The following MTERF1 variants were observed in gnomAD, a reference collection of about 807,000 sequenced individuals.
The protein encoded by MTERF1 is transcription termination factor 1, mitochondrial.
Under a neutral mutation model 31.6 loss-of-function variants are expected in MTERF1, and 29 were observed. The ratio of observed to expected loss-of-function variants is 0.92; its 90% CI spans 0.68 to 1.25. The LOEUF is 1.25. Ranked by LOEUF, MTERF1 falls within the 50% of genes most tolerant of loss-of-function variation. The probability of loss-of-function intolerance (pLI) is 0.00; values close to 1 mark genes in which losing one functional copy is unlikely to be tolerated. For synonymous variants in MTERF1, 152 were observed against 164.1 expected (o/e 0.93, Z 0.57); for missense variants, 500 against 469.1 (o/e 1.07, Z -0.61).
chr7:91,871,733 C>G lies in MTERF1; in HGVS notation c.*1861G>C, dbSNP rs1000622706. 6.6e-6 allele frequency: 1 copy of G among 152,136 alleles called. No individual in the cohort carries two copies. Among genetic ancestry groups the G allele is most frequent in the Non-Finnish European group, 1.5e-5 (1 of 68,038 alleles). The allele number at this position is 152,136 out of a possible 1,614,324, so 9.4% of individuals were successfully genotyped here. ...AATAATGGGGATTCACTAACAGGTACAAGGTTTCTGTTAGGACTGCAAACA... is the reference window on the plus strand; with the variant it reads ...AATAATGGGGATTCACTAACAGGTAGAAGGTTTCTGTTAGGACTGCAAACA... On this transcript the variant is annotated 3_prime_UTR_variant, in exon 3 of 3. Coordinates refer to ENST00000351870, the MANE Select transcript of MTERF1 (RefSeq NM_006980.5).
Position 91,874,160 on chromosome 7 carries a change from T to G in MTERF1, c.634A>C (p.Lys212Gln). 1 of 1,614,186 alleles carries G rather than the reference T, an allele frequency of 6.2e-7. No homozygotes were observed. Among genetic ancestry groups the G allele is most frequent in the Non-Finnish European group, 8.5e-7 (1 of 1,180,028 alleles). Reference protein sequence around the residue: ...RTFSNSLDLNKQMVEFLQAAG... With the variant: ...RTFSNSLDLNQQMVEFLQAAG... ...GCCTGCAAAAATTCAACCATCTGTTTATTCAGATCAAGACTATTGGAGAAG... is the reference window on the plus strand; with the variant it reads ...GCCTGCAAAAATTCAACCATCTGTTGATTCAGATCAAGACTATTGGAGAAG... Residue 212 changes from lysine to glutamine, a missense_variant, in exon 3 of 3, where the codon AAA becomes CAA. By Grantham distance (53) the Lys-to-Gln change is moderately conservative. Transcript: ENST00000351870.
At chr7:91,879,397 G>A (rs962230600) in intron 2 of MTERF1, among the ~76,000 whole-genome samples, 2 of 151,818 alleles carry the variant, frequency 1.3e-5, no homozygotes, top group Non-Finnish European at 2.9e-5. Flanking sequence ...GCGGGGAGGG[G>A]GACGTTAATA....
rs568207724 is a variant in MTERF1 at position 91,875,021 on chromosome 7, T to C, written c.30-257A>G. 3.3e-4 allele frequency among the ~76,000 whole-genome samples: 51 copies of C among 152,352 alleles called. 2 individuals are homozygous for C. In the South Asian group the frequency reaches 0.01, roughly 31 times the overall value. ...CAATATGATTGTACTGTAAGACATA[T>C]ATAATCAATAAACAAATGTACATAT... On this transcript the variant is annotated intron_variant, in intron 2 of 2. Transcript: ENST00000351870.
intron 1 of MTERF1, 162 bp downstream of exon 1, chr7:91,880,495 T>C (rs1394504459): frequency 1.5e-5 from 3 of 199,954 alleles, no homozygotes; most frequent in Non-Finnish European, 3.1e-5. Flanking sequence ...GGTGGGTCTT[T>C]CTTAACTCAA....
chr7:91,874,070 G>T lies in MTERF1; in HGVS notation c.724C>A (p.Pro242Thr), dbSNP rs143980432. The change falls in exon 3 of 3, where the codon CCT becomes ACT. Residue 242 changes from proline (P) to threonine (T), a missense_variant. Transcript: ENST00000351870. Reference sequence around the variant, plus strand: ...TTGGTGCTCTGAATTAAGATAAAAGGGTTTTTAAAAATTATCTTTCTGACA... The same window carrying T: ...TTGGTGCTCTGAATTAAGATAAAAGTGTTTTTAAAAATTATCTTTCTGACA... ...DFVRKIIFKNPFILIQSTKRV... is the reference protein window; with the variant it reads ...DFVRKIIFKNTFILIQSTKRV... The T allele has an allele frequency of 2.5e-6, 4 of 1,613,998 alleles. No homozygotes were observed. The South Asian group carries it at 4.4e-5, about 18-fold the overall frequency.
At chr7:91,875,718 T>C (rs1030524718) in intron 2 of MTERF1, among the ~76,000 whole-genome samples, 1 of 152,188 alleles carries the variant, frequency 6.6e-6, no homozygotes, top group African/African-American at 2.4e-5. Context: ...TTAATTTCCA[T>C]CTTGAACATC....
chr7:91,876,866 T>G (rs987112953), intron 2 of MTERF1: 2 of 970,716 alleles, frequency 2.1e-6, no homozygotes, highest in Middle Eastern at 5.3e-4. Context: ...AACTGAAGAA[T>G]GACGGCTCTA....
rs138814561 is a variant in MTERF1, at chr7:91,873,524, T to A, written c.*70A>T. 0.022 allele frequency: 29,218 copies of A among 1,312,958 alleles called. 392 individuals carry two copies. The highest frequency in any genetic ancestry group is 0.026 in the Non-Finnish European group (24,731 of 967,354). The allele number at this position is 1,312,958 out of a possible 1,614,324, so 81.3% of individuals were successfully genotyped here. A position where few individuals can be genotyped will look rare whatever the true frequency, so the allele number is the denominator to read the frequency against. ...CTTAATAACATTTTAAATTAATCAC[T>A]TCTGCAAAATTCTTTTGCAATGTGG... On this transcript the variant is annotated 3_prime_UTR_variant, in exon 3 of 3. Coordinates refer to ENST00000351870, the MANE Select transcript of MTERF1 (RefSeq NM_006980.5).
At chr7:91,877,714 A>G (rs762277909) in intron 2 of MTERF1, among the ~76,000 whole-genome samples, 1 of 152,194 alleles carries the variant, frequency 6.6e-6, no homozygotes, top group African/African-American at 2.4e-5. Context: ...CTTCTCTGAC[A>G]TCCATCACTC....
At chr7:91,875,186 C>T (rs1207573715) in intron 2 of MTERF1, among the ~76,000 whole-genome samples, 1 of 152,136 alleles carries the variant, frequency 6.6e-6, no homozygotes, top group Non-Finnish European at 1.5e-5. Context: ...TTTTGTTTAC[C>T]TTTGCCTGCC....
In MTERF1 at chr7:91,873,819, C is replaced by G; in HGVS notation, c.975G>C (p.Glu325Asp). Residue 325 changes from glutamate (E) to aspartate (D), a missense_variant, in exon 3 of 3, where the codon GAG (glutamate) becomes GAC (aspartate). Physicochemically the swap from Glu to Asp is conservative, Grantham distance 45. Coordinates refer to ENST00000351870, the MANE Select transcript of MTERF1 (RefSeq NM_006980.5). ...AGTCTATTTTATCATTAAACTTTTT[C>G]TCTGCCAAGAAGATCACATCTGGAT... ...LSYPDVIFLA[E>D]KKFNDKIDCL... The G allele has an allele frequency of 6.2e-7, 1 of 1,614,096 alleles. No individual in the cohort carries two copies. The highest frequency in any genetic ancestry group is 8.5e-7 in the Non-Finnish European group (1 of 1,180,006).
At position 91,874,310 on chromosome 7, in the gene MTERF1, G is replaced by T; in HGVS notation, c.484C>A (p.Arg162Ser). ...SDLEIVNILE[R>S]SPESFFRSNN... ...GACCGAAAAAAGGATTCAGGAGAAC[G>T]TTCCAAAATATTTACAATTTCAAGG... The change falls in exon 3 of 3, where the codon CGT becomes AGT. Residue 162 changes from arginine to serine, a missense_variant. Physicochemically the swap from Arg to Ser is moderately radical, Grantham distance 110 (BLOSUM62 -1). Transcript: ENST00000351870. The T allele has an allele frequency of 1.2e-6, 2 of 1,614,050 alleles. No individual in the cohort carries two copies. The highest frequency in any genetic ancestry group is 1.7e-6 in the Non-Finnish European group (2 of 1,179,984).
chr7:91,878,218 T>TA (rs1252732378), intron 2 of MTERF1, among the ~76,000 whole-genome samples: 5 of 152,212 alleles, frequency 3.3e-5, no homozygotes, highest in African/African-American at 1.2e-4. Context: ...GCAACTGAAA[T>TA]TTGGTCTTGA....
At position 91,870,945 on chromosome 7, in the gene MTERF1, T is replaced by TC. The variant is rs1308740626; in HGVS notation, c.*2648dup. On this transcript the variant is annotated 3_prime_UTR_variant, in exon 3 of 3. Transcript: ENST00000351870. ...GCCGGCCTTTTTTTTTTTTTTTTTT[T>TC]CCCTACTAGCAATGATATCTTGCTA... is the stretch of plus-strand genomic sequence containing the variant. 2 of 127,456 alleles carry TC rather than the reference T, an allele frequency of 1.6e-5. No individual in the cohort carries two copies. Among genetic ancestry groups the TC allele is most frequent in the African/African-American group, 2.8e-5 (1 of 36,028 alleles). 7.9% of individuals were successfully genotyped at this position (127,456 alleles called of 1,614,324 possible). A position where few individuals can be genotyped will look rare whatever the true frequency, so the allele number is the denominator to read the frequency against.
At chr7:91,877,762 A>T (rs575962166) in intron 2 of MTERF1, among the ~76,000 whole-genome samples, 2 of 152,318 alleles carry the variant, frequency 1.3e-5, no homozygotes, top group East Asian at 3.9e-4. Flanking sequence ...AAATGATGTG[A>T]TTATGTCCCT....
At chr7:91,880,289 A>G in intron 1 of MTERF1, 176 bp from the exon 2 acceptor site, 1 of 565,270 alleles carries the variant, frequency 1.8e-6, no homozygotes, top group Non-Finnish European at 3.1e-6. Context: ...GTACATGCCT[A>G]CATATGATGG....
chr7:91,876,930 C>G, intron 2 of MTERF1: 1 of 985,366 alleles, frequency 1.0e-6, no homozygotes, highest in Non-Finnish European at 1.2e-6. Context: ...CTGACCTCTA[C>G]TGGAATAAAG....
rs917590336 is a variant in MTERF1 at position 91,871,542 on chromosome 7, A to G, written c.*2052T>C. 6.6e-6 allele frequency: 1 copy of G among 152,264 alleles called. No homozygotes were observed. The highest frequency in any genetic ancestry group is 1.5e-5 in the Non-Finnish European group (1 of 68,072). The allele number at this position is 152,264 out of a possible 1,614,324, so 9.4% of individuals were successfully genotyped here. ...ACTTGCCAAAAAAAATGAAATACTAATATGTGCTACATGGATGAACCTTGA... is the reference window on the plus strand; with the variant it reads ...ACTTGCCAAAAAAAATGAAATACTAGTATGTGCTACATGGATGAACCTTGA... On this transcript the variant is annotated 3_prime_UTR_variant, in exon 3 of 3. Coordinates refer to ENST00000351870, the MANE Select transcript of MTERF1 (RefSeq NM_006980.5).
Position 91,874,465 on chromosome 7 carries a change from A to G in MTERF1, c.329T>C (p.Phe110Ser), listed in dbSNP as rs777856073. ...TTTGCTAGCTCCTTTGGAAAGAAGG[A>G]ACATCTTCAGGTCCTGCTCATTGGT... ...MITNEQDLKM[F>S]LLSKGASKEV... The change falls in exon 3 of 3, where the codon TTC becomes TCC. Residue 110 changes from phenylalanine to serine, a missense_variant. Phe to Ser is a radical substitution (Grantham distance 155). Coordinates refer to ENST00000351870, the MANE Select transcript of MTERF1 (RefSeq NM_006980.5). 1 of 1,614,120 alleles carries G rather than the reference A, an allele frequency of 6.2e-7. No homozygotes were observed. The highest frequency in any genetic ancestry group is 1.7e-5 in the Admixed American group (1 of 60,022).
Sources: gnomAD v4.1 joint callset for allele counts (sites outside exome capture counted in the v4.1 genomes callset) on GRCh38, gnomAD v4.1.1 for gene constraint, MANE v1.5 for transcripts, NCBI Gene and HGNC (gene_info 2026-07-23, HGNC 2026-07-21) for gene names.